Variants in NCAM2 observed in about 807,000 individuals in gnomAD.
The protein encoded by NCAM2 is neural cell adhesion molecule 2.
In NCAM2, 30 loss-of-function variants were observed where a neutral mutation model predicts 98.1. The observed-to-expected ratio is 0.31, with a 90% CI of 0.23 to 0.41. The LOEUF is 0.41. Ranked by LOEUF, NCAM2 falls within the 10% of genes least tolerant of loss-of-function variation. The pLI is 1.00. For synonymous variants in NCAM2, 368 were observed against 342.4 expected (o/e 1.07, Z -0.83); for missense variants, 867 against 1,005.8 (o/e 0.86, Z 1.87).
intron 12 of NCAM2, among the ~76,000 whole-genome samples, chr21:21,462,796 G>T (rs1283994581): frequency 6.6e-6 from 1 of 151,928 alleles, no homozygotes; most frequent in African/African-American, 2.4e-5. Context: ...CATTTCTGTT[G>T]CCGTGTTAAA....
At chr21:21,292,322 A>T in intron 5 of NCAM2, 81 bp downstream of exon 5, 1 of 1,380,286 alleles carries the variant, frequency 7.2e-7, no homozygotes, top group Non-Finnish European at 1.0e-6. Flanking sequence ...TGTGAACTCA[A>T]AATACAAGTC....
rs751767617 is a variant in NCAM2 at position 21,298,621 on chromosome 21, AGATAGATAGAT to A, written c.619+6391_619+6401del. 6.7e-3 allele frequency among the ~76,000 whole-genome samples: 739 copies of A among 109,766 alleles called. 4 individuals are homozygous for A. The highest frequency in any genetic ancestry group is 0.011 in the Non-Finnish European group (471 of 44,820). 72.0% of individuals were successfully genotyped at this position (109,766 alleles called of 152,430 possible). On this transcript the variant is annotated intron_variant, in intron 5 of 17. Coordinates refer to ENST00000400546, the MANE Select transcript of NCAM2 (RefSeq NM_004540.5). ...TAGATAGATAGATAGATAGATAGAT[AGATAGATAGAT>A]GATAGATAGAGATAATCTGCACAGA... is the stretch of plus-strand genomic sequence containing the variant.
intron 5 of NCAM2, among the ~76,000 whole-genome samples, chr21:21,320,261 A>G (rs2826794): frequency 0.42 from 63,822 of 152,100 alleles, 14,673 homozygotes; most frequent in Non-Finnish European, 0.53. Flanking sequence ...AAGATTGAAG[A>G]CCACTCAGCT....
At chr21:21,468,544 G>T in intron 13 of NCAM2, 118 bp from the exon 14 acceptor site, 1 of 944,830 alleles carries the variant, frequency 1.1e-6, no homozygotes, top group Non-Finnish European at 1.5e-6. Context: ...AATGTCAAAT[G>T]GTAAATCCAG....
At chr21:21,161,002 A>C (rs1422464289) in intron 1 of NCAM2, among the ~76,000 whole-genome samples, 1 of 152,044 alleles carries the variant, frequency 6.6e-6, no homozygotes, top group African/African-American at 2.4e-5. Flanking sequence ...CCATACTGTA[A>C]CAAAGAAGTC....
chr21:21,477,749 C>T (rs546514583), intron 15 of NCAM2, among the ~76,000 whole-genome samples: 4 of 152,172 alleles, frequency 2.6e-5, no homozygotes, highest in South Asian at 2.1e-4. Flanking sequence ...TGATAATCAA[C>T]GTGAAAAGTG....
At chr21:21,457,248 C>A (rs1214533837) in intron 12 of NCAM2, among the ~76,000 whole-genome samples, 2 of 152,128 alleles carry the variant, frequency 1.3e-5, no homozygotes, top group Non-Finnish European at 2.9e-5. Flanking sequence ...GAAGAGAATT[C>A]TGTTGATACA....
chr21:21,263,269 T>A (rs1222782874), intron 1 of NCAM2, among the ~76,000 whole-genome samples: 1 of 151,292 alleles, frequency 6.6e-6, no homozygotes, highest in Non-Finnish European at 1.5e-5. Context: ...CCACAAAAAA[T>A]AAAATAAAAT....
At chr21:21,362,585 A>G (rs997905294) in intron 8 of NCAM2, among the ~76,000 whole-genome samples, 4 of 152,040 alleles carry the variant, frequency 2.6e-5, no homozygotes, top group Non-Finnish European at 4.4e-5. Flanking sequence ...CAATTAATGA[A>G]TCAATGAAAT....
At chr21:21,318,201 G>A (rs11702626) in intron 5 of NCAM2, among the ~76,000 whole-genome samples, 2,853 of 152,200 alleles carry the variant, frequency 0.019, 93 homozygotes, top group East Asian at 0.15. Flanking sequence ...TAGAATATAC[G>A]CTGAAAGAAT....
chr21:21,421,443 C>G (rs2077109802), intron 11 of NCAM2, among the ~76,000 whole-genome samples: 1 of 151,702 alleles, frequency 6.6e-6, no homozygotes, highest in Non-Finnish European at 1.5e-5. Context: ...CAATTCCAGG[C>G]TAAGAATTTG....
chr21:21,340,799 GC>G (rs766713413), intron 8 of NCAM2, among the ~76,000 whole-genome samples: 8 of 151,890 alleles, frequency 5.3e-5, no homozygotes, highest in Non-Finnish European at 8.8e-5. Context: ...TCTCAGCTCT[GC>G]CATTTATGAT....
intron 12 of NCAM2, among the ~76,000 whole-genome samples, chr21:21,440,608 G>T (rs1042866358): frequency 1.7e-4 from 26 of 152,072 alleles, no homozygotes; most frequent in Non-Finnish European, 1.5e-4. Flanking sequence ...TTGAACCCAG[G>T]AGGCAGAGGT....
intron 1 of NCAM2, among the ~76,000 whole-genome samples, chr21:21,010,636 T>C (rs1254388401): frequency 1.3e-5 from 2 of 152,116 alleles, no homozygotes; most frequent in African/African-American, 2.4e-5. Flanking sequence ...CTATTGACTA[T>C]GGGAGGAAAG....
rs1412506397 is a variant in NCAM2, at chr21:21,538,109, C to T, written c.*152C>T. On this transcript the variant is annotated 3_prime_UTR_variant, in exon 18 of 18. Coordinates refer to ENST00000400546, the MANE Select transcript of NCAM2 (RefSeq NM_004540.5). ...ATACATATGATCAAATACTCCTGCCCATGATCCATTCCCTTTTGTTATTGT... is the reference window on the plus strand; with the variant it reads ...ATACATATGATCAAATACTCCTGCCTATGATCCATTCCCTTTTGTTATTGT... 4 of 402,736 alleles carry T rather than the reference C, an allele frequency of 9.9e-6. No homozygotes were observed. In the East Asian group the frequency reaches 1.1e-4, roughly 11 times the overall value. The allele number at this position is 402,736 out of a possible 1,614,324, so 24.9% of individuals were successfully genotyped here.
At chr21:21,253,607 C>T (rs1033123707) in intron 1 of NCAM2, among the ~76,000 whole-genome samples, 23 of 152,112 alleles carry the variant, frequency 1.5e-4, no homozygotes, top group African/African-American at 1.4e-4. Flanking sequence ...ACTTGCCAGC[C>T]TTCAAAATAG....
In NCAM2 at chr21:21,219,267, CCCCTGGA is replaced by C. The variant is rs535743627; in HGVS notation, c.56-61309_56-61303del. ...CCCAGGGAAGCCAGAAGATTAGACA[CCCCTGGA>C]CTTGAAAGCCACCAAGATTGTGATA... On this transcript the variant is annotated intron_variant, in intron 1 of 17. Coordinates refer to ENST00000400546, the MANE Select transcript of NCAM2 (RefSeq NM_004540.5). 8.2e-4 allele frequency among the ~76,000 whole-genome samples: 125 copies of C among 152,192 alleles called. 2 individuals are homozygous for C. Among genetic ancestry groups the C allele is most frequent in the Non-Finnish European group, 1.4e-3 (92 of 68,028 alleles).
chr21:21,037,660 C>T (rs1160160210), intron 1 of NCAM2, among the ~76,000 whole-genome samples: 1 of 152,072 alleles, frequency 6.6e-6, no homozygotes, highest in Non-Finnish European at 1.5e-5. Flanking sequence ...ATCAGGATTA[C>T]CATAAACCAA....
At chr21:21,308,422 T>G (rs1181105649) in intron 5 of NCAM2, among the ~76,000 whole-genome samples, 1 of 152,162 alleles carries the variant, frequency 6.6e-6, no homozygotes, top group African/African-American at 2.4e-5. Flanking sequence ...TTTTATTTTT[T>G]CAGTACTATA....
Sources: gnomAD v4.1 joint callset for allele counts (sites outside exome capture counted in the v4.1 genomes callset) on GRCh38, gnomAD v4.1.1 for gene constraint, MANE v1.5 for transcripts, NCBI Gene and HGNC (gene_info 2026-07-23, HGNC 2026-07-21) for gene names.